ITIH5: variants seen among roughly 807,000 people sequenced by gnomAD.
ITIH5 encodes inter-alpha-trypsin inhibitor heavy chain H5.
A neutral mutation model predicts 77.5 loss-of-function variants in ITIH5; 65 were observed. That is an observed-to-expected ratio of 0.84 (90% CI 0.69 to 1.03). The LOEUF is 1.03. Ranked by LOEUF, ITIH5 falls within the 50% of genes least tolerant of loss-of-function variation. The pLI is 0.00. For synonymous variants in ITIH5, 525 were observed against 494.3 expected (o/e 1.06, Z -0.82); for missense variants, 1,208 against 1,213.1 (o/e 1.00, Z 0.06).
chr10:7,666,448 A>C (rs1834362717), intron 1 of ITIH5, among the ~76,000 whole-genome samples: 1 of 152,068 alleles, frequency 6.6e-6, no homozygotes, highest in Non-Finnish European at 1.5e-5. Context: ...TGATAACAGC[A>C]GACTGCCCCC....
Position 7,637,448 on chromosome 10 carries a change from A to G in ITIH5, c.432T>C (p.Ser144=). Residue 144 remains serine, a synonymous_variant, in exon 5 of 14, where the codon TCT becomes TCC. Coordinates refer to ENST00000397146, the MANE Select transcript of ITIH5 (RefSeq NM_030569.7). ...GEKGTEIFRA[S]AVIPSKDKAA... ...CTTTGTCCTTGCTGGGAATCACTGCAGAAGCTCTGAATATTTCAGTCCCCT... is the reference window on the plus strand; with the variant it reads ...CTTTGTCCTTGCTGGGAATCACTGCGGAAGCTCTGAATATTTCAGTCCCCT... 6.2e-7 allele frequency: 1 copy of G among 1,614,130 alleles called. No individual in the cohort carries two copies. The highest frequency in any genetic ancestry group is 2.2e-5 in the East Asian group (1 of 44,880).
At chr10:7,626,019 C>A (rs1251060225) in intron 5 of ITIH5, among the ~76,000 whole-genome samples, 1 of 152,176 alleles carries the variant, frequency 6.6e-6, no homozygotes, top group East Asian at 1.9e-4. Context: ...TAGTGCATAG[C>A]TGGGCAGATG....
At chr10:7,632,545 A>C (rs1564271495) in intron 5 of ITIH5, among the ~76,000 whole-genome samples, 1 of 152,250 alleles carries the variant, frequency 6.6e-6, no homozygotes, top group African/African-American at 2.4e-5. Context: ...GCAGAAAAAA[A>C]TAATCAGCAT....
intron 12 of ITIH5, among the ~76,000 whole-genome samples, chr10:7,568,859 G>A (rs1342736357): frequency 6.6e-6 from 1 of 152,028 alleles, no homozygotes; most frequent in Non-Finnish European, 1.5e-5. Context: ...ACAGAACTGT[G>A]GATTAACATG....
chr10:7,641,309 T>C (rs541262650), intron 3 of ITIH5, among the ~76,000 whole-genome samples: 2 of 152,144 alleles, frequency 1.3e-5, no homozygotes, highest in Non-Finnish European at 2.9e-5. Context: ...CTGAAAGCTC[T>C]TCCCAGATCT....
intron 7 of ITIH5, 84 bp from the exon 8 acceptor site, chr10:7,586,153 C>G: frequency 8.1e-7 from 1 of 1,229,478 alleles, no homozygotes; most frequent in Non-Finnish European, 1.1e-6. Context: ...CCCCGCCCCC[C>G]AGGAAAAATG....
intron 7 of ITIH5, among the ~76,000 whole-genome samples, chr10:7,594,205 C>A (rs978309818): frequency 6.6e-6 from 1 of 152,188 alleles, no homozygotes. Flanking sequence ...TGGACAAGAT[C>A]CCCGTTCAGA....
At chr10:7,648,601 C>T (rs948556999) in intron 2 of ITIH5, among the ~76,000 whole-genome samples, 2 of 152,238 alleles carry the variant, frequency 1.3e-5, no homozygotes, top group South Asian at 2.1e-4. Flanking sequence ...TAGCTGCACA[C>T]TGTTCCAAGT....
At chr10:7,662,436 G>C (rs1482639581) in intron 1 of ITIH5, among the ~76,000 whole-genome samples, 1 of 152,002 alleles carries the variant, frequency 6.6e-6, no homozygotes, top group Non-Finnish European at 1.5e-5. Context: ...AAAATAATGA[G>C]TGGTTCAGAA....
In ITIH5 at chr10:7,666,764, G is replaced by T. The variant is rs559013644; in HGVS notation, c.90+39C>A. 1.9e-5 allele frequency: 30 copies of T among 1,554,642 alleles called. No individual in the cohort carries two copies. In the African/African-American group the frequency reaches 3.0e-4, roughly 16 times the overall value. The stretch of plus-strand genomic sequence containing the variant: ...GCCGGGCCGGCGGAGGGAAGGGGGC[G>T]GCCGCGCCCGGGACCCGGCTCCCCT... On this transcript the variant is annotated intron_variant, in intron 1 of 13. Coordinates refer to ENST00000397146, the MANE Select transcript of ITIH5 (RefSeq NM_030569.7).
intron 1 of ITIH5, among the ~76,000 whole-genome samples, chr10:7,655,880 A>G (rs1441829323): frequency 1.3e-5 from 2 of 152,238 alleles, no homozygotes; most frequent in African/African-American, 2.4e-5. Flanking sequence ...CATCCCTGTC[A>G]GATCTGGTTG....
intron 5 of ITIH5, among the ~76,000 whole-genome samples, chr10:7,627,433 C>A (rs1833602427): frequency 6.6e-6 from 1 of 152,058 alleles, no homozygotes; most frequent in Non-Finnish European, 1.5e-5. Flanking sequence ...GGGGACTTGA[C>A]CTTGCGGGAT....
Position 7,617,113 on chromosome 10 carries a change from C to T in ITIH5, c.822G>A (p.Gln274=). ...GAAATAGCAACGACGATCCTATTAC[C>T]TGGATGTCCCCAATGCTCTGTTCTC... ...VNREQSIGDI[Q]VLNGYFVHYF... Residue 274 remains glutamine, a splice_region_variant and synonymous_variant, in exon 6 of 14, where the codon CAG becomes CAA. Transcript: ENST00000397146. 2 of 1,534,208 alleles carry T rather than the reference C, an allele frequency of 1.3e-6. No individual in the cohort carries two copies. The highest frequency in any genetic ancestry group is 1.7e-6 in the Non-Finnish European group (2 of 1,146,418).
At chr10:7,620,463 C>T (rs187196403) in intron 5 of ITIH5, 13 of 152,222 alleles carry the variant, frequency 8.5e-5, no homozygotes, top group Non-Finnish European at 4.4e-5. Flanking sequence ...GGAAAGAGCA[C>T]GTGGTAATTT....
chr10:7,615,428 G>T (rs1349522455), intron 7 of ITIH5, among the ~76,000 whole-genome samples: 1 of 152,164 alleles, frequency 6.6e-6, no homozygotes, highest in Non-Finnish European at 1.5e-5. Flanking sequence ...AGCAGAATAA[G>T]ATAAGAAAGT....
chr10:7,661,429 C>A (rs1834274998), intron 1 of ITIH5, among the ~76,000 whole-genome samples: 2 of 152,070 alleles, frequency 1.3e-5, no homozygotes, highest in South Asian at 4.2e-4. Flanking sequence ...CCTTAGAGAT[C>A]TGCTATAGGA....
intron 8 of ITIH5, 121 bp from the exon 9 acceptor site, chr10:7,580,185 A>G: frequency 1.2e-6 from 1 of 803,146 alleles, no homozygotes. Flanking sequence ...CAATGGCGCA[A>G]TCTGCACTCA....
At chr10:7,604,034 C>T (rs1245037022) in intron 7 of ITIH5, among the ~76,000 whole-genome samples, 6 of 152,190 alleles carry the variant, frequency 3.9e-5, no homozygotes, top group African/African-American at 1.4e-4. Context: ...TGCCACGGCC[C>T]TGCAGGAGCT....
Position 7,640,866 on chromosome 10 carries a change from A to G in ITIH5, c.300-11T>C, listed in dbSNP as rs2131079260. 6.3e-7 allele frequency: 1 copy of G among 1,578,350 alleles called. No homozygotes were observed. Among genetic ancestry groups the G allele is most frequent in the East Asian group, 2.2e-5 (1 of 44,720 alleles). On this transcript the variant is annotated splice_polypyrimidine_tract_variant and intron_variant, in intron 3 of 13. Coordinates refer to ENST00000397146, the MANE Select transcript of ITIH5 (RefSeq NM_030569.7). ...TTGTCTCCAATAAGCCTGAAATACA[A>G]GAGACAGTTGTGCTACCAGCTTGCA... is the stretch of plus-strand genomic sequence containing the variant.
Sources: gnomAD v4.1 joint callset for allele counts (sites outside exome capture counted in the v4.1 genomes callset) on GRCh38, gnomAD v4.1.1 for gene constraint, MANE v1.5 for transcripts, NCBI Gene and HGNC (gene_info 2026-07-23, HGNC 2026-07-21) for gene names.